Variants in KIF24 observed in about 807,000 individuals in gnomAD.
KIF24 encodes kinesin family member 24, also known as kinesin-like protein KIF24.
A neutral mutation model predicts 118.9 loss-of-function variants in KIF24; 81 were observed. The observed-to-expected ratio is 0.68, with a 90% CI of 0.57 to 0.82. The LOEUF (loss-of-function observed/expected upper bound fraction) is 0.82. KIF24 is among the 40% of genes least tolerant of loss of function. The pLI, the probability that KIF24 is intolerant of heterozygous loss-of-function variation, is 0.00. For missense variants in KIF24, 1,560 were observed against 1,661.6 expected, an observed-to-expected ratio of 0.94 and a Z score of 1.06; for synonymous variants, 599 against 610.0, an observed-to-expected ratio of 0.98 and a Z score of 0.27.
At chr9:34,258,228 G>A (rs1391495374) in intron 10 of KIF24, among the ~76,000 whole-genome samples, 1 of 152,162 alleles carries the variant, frequency 6.6e-6, no homozygotes, top group Non-Finnish European at 1.5e-5. Flanking sequence ...CAGCACTTTG[G>A]GAGGTTGAGG....
chr9:34,327,640 G>A (rs760120535), intron 1 of KIF24, among the ~76,000 whole-genome samples: 1 of 152,084 alleles, frequency 6.6e-6, no homozygotes, highest in Non-Finnish European at 1.5e-5. Context: ...GGAAGGCTGA[G>A]AGTGTGTGGT....
Position 34,255,116 on chromosome 9 carries a change from G to A in KIF24, c.3922C>T (p.Leu1308Phe), listed in dbSNP as rs1476465276. The change falls in exon 12 of 13, where the codon CTC becomes TTC. Residue 1308 changes from leucine to phenylalanine, a missense_variant. Around this residue, in one of 3 missense-constraint regions of KIF24, gnomAD observed 591 missense variants for 655.6 expected, o/e 0.90. Transcript: ENST00000402558. The part of the protein sequence containing the change: ...HQEQLDEMAE[L>F]GFKEETLMSQ... ...ATCAGCGTCTCCTCCTTGAAGCCGA[G>A]CTCAGCCATTTCATCCAGCTGTTCC... is the stretch of plus-strand genomic sequence containing the variant. The A allele has an allele frequency of 6.3e-7, 1 of 1,596,138 alleles. No individual in the cohort carries two copies. The highest frequency in any genetic ancestry group is 8.5e-7 in the Non-Finnish European group (1 of 1,171,118).
At chr9:34,310,575 A>G (rs1429647505) in intron 2 of KIF24, 149 bp downstream of exon 2, 2 of 557,464 alleles carry the variant, frequency 3.6e-6, no homozygotes, top group African/African-American at 1.9e-5. Flanking sequence ...AGGTATTCCT[A>G]TTATTGATGC....
intron 3 of KIF24, among the ~76,000 whole-genome samples, chr9:34,300,867 A>G (rs868487964): frequency 2.0e-5 from 3 of 151,214 alleles, no homozygotes; most frequent in Admixed American, 1.3e-4. Context: ...AAAAAAAAAA[A>G]AAAAAAAGAA....
Position 34,271,912 on chromosome 9 carries a change from T to G in KIF24, c.1234A>C (p.Lys412Gln), listed in dbSNP as rs1406326273. The change falls in exon 7 of 13, where the codon AAG becomes CAG. Residue 412 changes from lysine (K) to glutamine (Q), a missense_variant. By Grantham distance (53) the Lys-to-Gln change is moderately conservative (BLOSUM62 1). Around this residue, in one of 3 missense-constraint regions of KIF24, gnomAD observed 964 missense variants for 988.0 expected, o/e 0.98. Transcript: ENST00000402558. Reference protein sequence around the residue: ...LLLEVILKGSKERSTGATGVN... With the variant: ...LLLEVILKGSQERSTGATGVN... ...CCAGTGGCCCCAGTGCTGCGCTCCT[T>G]GCTGCCCTTTAAGATCACCTGAAAA... The G allele has an allele frequency of 2.5e-6, 4 of 1,599,326 alleles. No individual in the cohort carries two copies. Among genetic ancestry groups the G allele is most frequent in the Admixed American group, 1.7e-5 (1 of 57,376 alleles).
At chr9:34,262,946 T>C (rs954069788) in intron 9 of KIF24, among the ~76,000 whole-genome samples, 155 bp downstream of exon 9, 9 of 151,986 alleles carry the variant, frequency 5.9e-5, no homozygotes, top group African/African-American at 2.2e-4. Context: ...TAGACAGAGT[T>C]CCTGGATGGA....
At chr9:34,308,769 T>C (rs1384103252) in intron 2 of KIF24, among the ~76,000 whole-genome samples, 1 of 152,084 alleles carries the variant, frequency 6.6e-6, no homozygotes, top group Non-Finnish European at 1.5e-5. Context: ...CAAAAAGACA[T>C]GCATGTTTTT....
chr9:34,328,700 C>T (rs1837761118), intron 1 of KIF24, among the ~76,000 whole-genome samples: 1 of 152,168 alleles, frequency 6.6e-6, no homozygotes, highest in South Asian at 2.1e-4. Context: ...ACATTGTGAA[C>T]GATGCTTGCC....
At chr9:34,259,728 C>A (rs188069109) in intron 9 of KIF24, 23 bp from the exon 10 acceptor site, 2 of 1,514,856 alleles carry the variant, frequency 1.3e-6, no homozygotes, top group South Asian at 1.1e-5. Context: ...GAAGGCAGGT[C>A]AATGAGTGAA....
At chr9:34,267,998 A>C (rs1357613081) in intron 8 of KIF24, among the ~76,000 whole-genome samples, 2 of 152,238 alleles carry the variant, frequency 1.3e-5, no homozygotes, top group African/African-American at 4.8e-5. Flanking sequence ...ATAAGAACTC[A>C]CATAGGATTT....
chr9:34,262,644 CAAAAAAAAAAAAAA>C (rs1172989308), intron 9 of KIF24, among the ~76,000 whole-genome samples: 449 of 19,438 alleles, frequency 0.023, no homozygotes, highest in South Asian at 0.035. Flanking sequence ...CTGTCTCTAC[CAAAAAAAAAAAAAA>C]AAAAAAAAAA....
rs746225252 is a variant in KIF24, at chr9:34,257,713, C to T, written c.1894G>A (p.Gly632Ser). The T allele has an allele frequency of 6.2e-7, 1 of 1,614,024 alleles. No homozygotes were observed. ...SAPKVSGKRG[G>S]SRGSPSQEWV... ...TCTTGTGAAGGACTCCCTCTGGAGC[C>T]ACCCCTTTTACCAGAGACCTTAGGT... The change falls in exon 11 of 13, where the codon GGC becomes AGC. Residue 632 changes from glycine to serine, a missense_variant. Physicochemically the swap from Gly to Ser is moderately conservative, Grantham distance 56. Around this residue, in one of 3 missense-constraint regions of KIF24, gnomAD observed 964 missense variants for 988.0 expected, o/e 0.98. Coordinates refer to ENST00000402558, the MANE Select transcript of KIF24 (RefSeq NM_194313.4).
intron 1 of KIF24, among the ~76,000 whole-genome samples, chr9:34,321,782 T>C (rs1837534441): frequency 6.6e-6 from 1 of 151,974 alleles, no homozygotes; most frequent in African/African-American, 2.4e-5. Context: ...AATTTTTTTA[T>C]TTTTTGTAGA....
rs1834916907 is a variant in KIF24, at chr9:34,257,839, G to C, written c.1768C>G (p.Leu590Val). The change falls in exon 11 of 13, where the codon CTG becomes GTG. Residue 590 changes from leucine to valine, a missense_variant. This residue lies in a region of KIF24 where 964 missense variants were observed against 988.0 expected (regional missense o/e 0.98). Transcript: ENST00000402558. ...EDKCSPKKVKLGFQQSLTVAA... is the reference protein window; with the variant it reads ...EDKCSPKKVKVGFQQSLTVAA... Reference sequence around the variant, plus strand: ...ACTGTGAGTGACTGCTGAAATCCCAGCTTGACTTTTTTGGGAGAACATTTG... The same window carrying C: ...ACTGTGAGTGACTGCTGAAATCCCACCTTGACTTTTTTGGGAGAACATTTG... 3.7e-6 allele frequency: 6 copies of C among 1,613,900 alleles called. No individual in the cohort carries two copies. The Admixed American group carries it at 1.0e-4, about 27-fold the overall frequency.
chr9:34,275,633 G>T (rs12376050), intron 6 of KIF24, among the ~76,000 whole-genome samples: 2 of 152,068 alleles, frequency 1.3e-5, no homozygotes, highest in Non-Finnish European at 2.9e-5. Context: ...GAGGTCAGGA[G>T]ATCGAGACCG....
At position 34,286,707 on chromosome 9, in the gene KIF24, G is replaced by A; in HGVS notation, c.1128-3C>T. On this transcript the variant is annotated splice_region_variant and splice_polypyrimidine_tract_variant and intron_variant, in intron 5 of 12. Transcript: ENST00000402558. ...TGCTATCTTCTCTTGCAAAGAGCCT[G>A]CAGATGCAAGAAAGTGGTTGGTATG... 1.2e-6 allele frequency: 2 copies of A among 1,605,648 alleles called. No homozygotes were observed. Among genetic ancestry groups the A allele is most frequent in the Admixed American group, 1.7e-5 (1 of 60,002 alleles).
Position 34,257,843 on chromosome 9 carries a change from G to A in KIF24, c.1764C>T (p.Val588=), listed in dbSNP as rs749630833. The change falls in exon 11 of 13, where the codon GTC becomes GTT. Residue 588 remains valine, a synonymous_variant. Transcript: ENST00000402558. ...LSEDKCSPKK[V]KLGFQQSLTV... ...TGAGTGACTGCTGAAATCCCAGCTT[G>A]ACTTTTTTGGGAGAACATTTGTCCT... The A allele has an allele frequency of 2.5e-6, 4 of 1,613,906 alleles. No homozygotes were observed. The African/African-American group carries it at 4.0e-5, about 16-fold the overall frequency.
At chr9:34,310,688 C>A (rs1837102886) in intron 2 of KIF24, 36 bp downstream of exon 2, 1 of 1,526,988 alleles carries the variant, frequency 6.5e-7, no homozygotes, top group Non-Finnish European at 8.8e-7. Flanking sequence ...CCTGAGGCTA[C>A]TTTCCCTCAA....
intron 2 of KIF24, among the ~76,000 whole-genome samples, chr9:34,308,699 T>C (rs1484713090): frequency 2.0e-5 from 3 of 152,194 alleles, no homozygotes; most frequent in Admixed American, 2.0e-4. Context: ...TTTTTAAAAT[T>C]GTTCAGGGCT....
Sources: gnomAD v4.1 joint callset for allele counts (sites outside exome capture counted in the v4.1 genomes callset) on GRCh38, gnomAD v4.1.1 for gene constraint, gnomAD v4.1.1 regional missense constraint, MANE v1.5 for transcripts, NCBI Gene and HGNC (gene_info 2026-07-23, HGNC 2026-07-21) for gene names.